CDKL5: variants seen among roughly 807,000 people sequenced by gnomAD.
The protein encoded by CDKL5 is cyclin-dependent kinase-like 5.
Under a neutral mutation model 61.7 loss-of-function variants are expected in CDKL5, and 8 were observed. The ratio of observed to expected loss-of-function variants is 0.13; its 90% CI spans 0.08 to 0.23. The LOEUF is 0.23. CDKL5 is among the 10% of genes least tolerant of loss of function. CDKL5 has a pLI of 1.00. For synonymous variants in CDKL5, 275 were observed against 272.3 expected (o/e 1.01, Z -0.10); for missense variants, 440 against 734.5 (o/e 0.60, Z 4.63).
At chrX:18,641,815 A>G (rs1324902350), downstream of CDKL5, 59 of 442,599 alleles carry the variant, frequency 1.3e-4, no homozygotes, top group Admixed American at 2.4e-4. Context: ...TGAGTGGGGA[A>G]TAAGTTCATT....
intron 3 of CDKL5, among the ~76,000 whole-genome samples, chrX:18,515,152 C>T (rs764275245): frequency 8.9e-6 from 1 of 112,182 alleles, no homozygotes; most frequent in South Asian, 3.7e-4. Flanking sequence ...GTAGCATGCT[C>T]TTCTTAGCAA....
At chrX:18,551,559 C>CATTATTATTATTATT (rs10659381) in intron 3 of CDKL5, among the ~76,000 whole-genome samples, 4 of 80,951 alleles carry the variant, frequency 4.9e-5, no homozygotes, top group East Asian at 3.9e-4. Context: ...GATACCTTGA[C>CATTATTATTATTATT]ATTATTATTA....
intron 3 of CDKL5, among the ~76,000 whole-genome samples, chrX:18,519,148 G>C: frequency 8.9e-6 from 1 of 111,806 alleles, no homozygotes; most frequent in Non-Finnish European, 1.9e-5. Flanking sequence ...ACCTCTCCTA[G>C]CTGTATAGAT....
intron 1 of CDKL5, among the ~76,000 whole-genome samples, chrX:18,492,303 G>C (rs1324481979): frequency 1.8e-5 from 2 of 111,276 alleles, no homozygotes; most frequent in African/African-American, 6.5e-5. Context: ...ATATCACTTT[G>C]CCCATTTTAA....
intron 1 of CDKL5, among the ~76,000 whole-genome samples, chrX:18,436,897 CAAAAAAAAAAAAAA>C (rs60845430): frequency 5.1e-4 from 8 of 15,803 alleles, no homozygotes; most frequent in African/African-American, 8.2e-4. Context: ...ACTCTTGACT[CAAAAAAAAAAAAAA>C]AAAAAAAAAA....
chrX:18,515,084 G>A (rs1445656637), intron 3 of CDKL5, among the ~76,000 whole-genome samples: 1 of 112,552 alleles, frequency 8.9e-6, no homozygotes, highest in Non-Finnish European at 1.9e-5. Context: ...ACAGGCGTGA[G>A]CCACCGCGCC....
intron 8 of CDKL5, among the ~76,000 whole-genome samples, chrX:18,587,322 C>T (rs538048258): frequency 9.0e-6 from 1 of 111,375 alleles, no homozygotes; most frequent in South Asian, 3.7e-4. Context: ...AGCTATAAAC[C>T]CCTAAATAAA....
rs1245961569 is a variant in CDKL5, at chrX:18,619,860, C to T, written c.2277-7C>T. 5.4e-6 allele frequency: 6 copies of T among 1,111,094 alleles called. No homozygotes were observed. Among genetic ancestry groups the T allele is most frequent in the Admixed American group, 2.2e-5 (1 of 45,326 alleles). 91.6% of individuals were successfully genotyped at this position (1,111,094 alleles called of 1,213,427 possible). On this transcript the variant is annotated splice_region_variant and splice_polypyrimidine_tract_variant and intron_variant, in intron 15 of 17. Transcript: ENST00000623535. ...AATCAATATGATAAAAATGTCTTCTCATTTAGGAAAAGTCCTGAAAATATT... is the reference window on the plus strand; with the variant it reads ...AATCAATATGATAAAAATGTCTTCTTATTTAGGAAAAGTCCTGAAAATATT...
intron 9 of CDKL5, chrX:18,588,512 T>G (rs781623603): frequency 4.0e-5 from 6 of 148,599 alleles, no homozygotes; most frequent in Admixed American, 2.5e-4. Flanking sequence ...TGTAGTGATT[T>G]GAGGAAAGCC....
intron 1 of CDKL5, among the ~76,000 whole-genome samples, chrX:18,477,673 T>G (rs778008745): frequency 1.8e-4 from 20 of 111,484 alleles, no homozygotes; most frequent in Non-Finnish European, 3.8e-4. Flanking sequence ...CTACTTCAGA[T>G]GTATGCTAAC....
chrX:18,530,687 C>T (rs1923614752), intron 3 of CDKL5, among the ~76,000 whole-genome samples: 1 of 111,837 alleles, frequency 8.9e-6, no homozygotes, highest in South Asian at 3.7e-4. Flanking sequence ...CTTACTTTGT[C>T]TCTTTAGACT....
At chrX:18,537,623 C>G (rs778111597) in intron 3 of CDKL5, among the ~76,000 whole-genome samples, 1 of 112,007 alleles carries the variant, frequency 8.9e-6, no homozygotes, top group Admixed American at 9.5e-5. Context: ...TCACAGGGAT[C>G]CCTTGTGCTG....
At chrX:18,603,318 ATTTCT>A (rs1336939954) in intron 11 of CDKL5, among the ~76,000 whole-genome samples, 1 of 111,799 alleles carries the variant, frequency 8.9e-6, no homozygotes, top group Non-Finnish European at 1.9e-5. Flanking sequence ...GACAGTTTAC[ATTTCT>A]TTTTAGAGGG....
chrX:18,565,740 C>T (rs1328164929), intron 4 of CDKL5, among the ~76,000 whole-genome samples: 3 of 112,324 alleles, frequency 2.7e-5, no homozygotes, highest in African/African-American at 9.7e-5. Flanking sequence ...ATATGAAACA[C>T]ATGCATATCA....
At chrX:18,444,484 A>G (rs1181914185) in intron 1 of CDKL5, among the ~76,000 whole-genome samples, 1 of 111,719 alleles carries the variant, frequency 9.0e-6, no homozygotes, top group African/African-American at 3.2e-5. Flanking sequence ...GTACAAACAT[A>G]TATATACATG....
chrX:18,633,927 T>C lies in CDKL5; in HGVS notation c.*5170T>C. On this transcript the variant is annotated 3_prime_UTR_variant, in exon 18 of 18. Transcript: ENST00000623535. ...GCCTTGCATTTTCATTCATCACCTG[T>C]TTATGCCCAAATTTAAAGGAAGTTT... is the stretch of plus-strand genomic sequence containing the variant. The C allele has an allele frequency of 1.2e-5, 9 of 754,275 alleles. No individual in the cohort carries two copies. The highest frequency in any genetic ancestry group is 1.4e-5 in the Non-Finnish European group (9 of 639,367). The allele number at this position is 754,275 out of a possible 1,213,427, so 62.2% of individuals were successfully genotyped here. A position where few individuals can be genotyped will look rare whatever the true frequency, so the allele number is the denominator to read the frequency against.
At chrX:18,449,742 C>A (rs142324840) in intron 1 of CDKL5, among the ~76,000 whole-genome samples, 1,659 of 111,144 alleles carry the variant, frequency 0.015, 34 homozygotes, top group African/African-American at 0.051. Flanking sequence ...TTTTTTCCTG[C>A]ATTTTCTTTT....
intron 11 of CDKL5, among the ~76,000 whole-genome samples, chrX:18,601,886 A>G (rs1286251339): frequency 2.7e-5 from 3 of 111,620 alleles, no homozygotes; most frequent in African/African-American, 9.8e-5. Flanking sequence ...ACGTTTCCCA[A>G]TATCTGTACA....
chrX:18,473,037 C>T (rs534816164), intron 1 of CDKL5, among the ~76,000 whole-genome samples: 1 of 105,963 alleles, frequency 9.4e-6, no homozygotes, highest in African/African-American at 3.5e-5. Context: ...CTCACTGCAA[C>T]CTCTGTCTCC....
Sources: gnomAD v4.1 joint callset for allele counts (sites outside exome capture counted in the v4.1 genomes callset) on GRCh38, gnomAD v4.1.1 for gene constraint, MANE v1.5 for transcripts, NCBI Gene and HGNC (gene_info 2026-07-23, HGNC 2026-07-21) for gene names.